The following SCN11A variants were observed in gnomAD, a reference collection of about 807,000 sequenced individuals.
SCN11A encodes sodium channel protein type 11 subunit alpha.
In SCN11A, 122 loss-of-function variants were observed where a neutral mutation model predicts 162.2. That is an observed-to-expected ratio of 0.75 (90% CI 0.65 to 0.87). The LOEUF is 0.87. Among genes scored for constraint, SCN11A ranks in the 40% least tolerant of loss-of-function variants. The pLI is 0.00. For synonymous variants in SCN11A, 758 were observed against 751.5 expected, an observed-to-expected ratio of 1.01 and a Z score of -0.14; for missense variants, 2,015 against 2,181.6, an observed-to-expected ratio of 0.92 and a Z score of 1.52.
chr3:39,004,373 G>A (rs1225425308), intron 2 of SCN11A, among the ~76,000 whole-genome samples: 1 of 152,078 alleles, frequency 6.6e-6, no homozygotes, highest in African/African-American at 2.4e-5. Context: ...CTGTTCCGCT[G>A]GTCTGTGTGC....
rs1318982024 is a variant in SCN11A at position 38,909,075 on chromosome 3, G to A, written c.1221C>T (p.Asn407=). The change falls in exon 13 of 30, where the codon AAC becomes AAT. Residue 407 remains asparagine, a synonymous_variant. Coordinates refer to ENST00000302328, the MANE Select transcript of SCN11A (RefSeq NM_001349253.2). The part of the protein sequence containing the change: ...AVVTMAYEEQ[N]KNVAAEIEAK... ...CCTCTATCTCTGCAGCTACATTCTT[G>A]TTCTGCTCCTCATATGCCATGGTAA... The A allele has an allele frequency of 1.9e-6, 3 of 1,613,896 alleles. No homozygotes were observed. Among genetic ancestry groups the A allele is most frequent in the South Asian group, 1.1e-5 (1 of 91,086 alleles).
chr3:38,894,837 C>T lies in SCN11A; in HGVS notation c.2531G>A (p.Cys844Tyr), dbSNP rs753346948. Residue 844 changes from cysteine to tyrosine, a missense_variant, in exon 19 of 30, where the codon TGT becomes TAT. Transcript: ENST00000302328. ...LALDRFRRAF[C>Y]FVRHTLEHFC... ...ATGCTCAAGAGTGTGTCTCACAAAA[C>T]AAAAAGCCCGGCGGAATCGATCCAG... 30 of 1,614,166 alleles carry T rather than the reference C, an allele frequency of 1.9e-5. No individual in the cohort carries two copies. Among genetic ancestry groups the T allele is most frequent in the Non-Finnish European group, 2.3e-5 (27 of 1,180,020 alleles).
chr3:38,888,501 T>C (rs979265741), intron 19 of SCN11A, among the ~76,000 whole-genome samples: 2 of 151,918 alleles, frequency 1.3e-5, no homozygotes, highest in Admixed American at 1.3e-4. Context: ...AACTAGGAGG[T>C]GAATTCACTT....
At chr3:38,861,794 T>C (rs2126088184) in intron 28 of SCN11A, among the ~76,000 whole-genome samples, 1 of 152,122 alleles carries the variant, frequency 6.6e-6, no homozygotes, top group East Asian at 1.9e-4. Flanking sequence ...TTATAGAATA[T>C]AACATCAAGA....
At chr3:39,041,894 T>G (rs1017595832) in intron 1 of SCN11A, among the ~76,000 whole-genome samples, 1 of 151,682 alleles carries the variant, frequency 6.6e-6, no homozygotes, top group African/African-American at 2.4e-5. Flanking sequence ...ACAGAAAAAA[T>G]ATCATATTTC....
At chr3:39,027,648 C>T (rs1256824295) in intron 2 of SCN11A, among the ~76,000 whole-genome samples, 2 of 152,166 alleles carry the variant, frequency 1.3e-5, no homozygotes, top group Non-Finnish European at 1.5e-5. Flanking sequence ...CTCACAAACC[C>T]GACTGGGGAG....
Position 38,885,412 on chromosome 3 carries a change from A to T in SCN11A, c.2950-10T>A, listed in dbSNP as rs748938575. 1 of 1,487,762 alleles carries T rather than the reference A, an allele frequency of 6.7e-7. No individual in the cohort carries two copies. The highest frequency in any genetic ancestry group is 1.1e-5 in the South Asian group (1 of 88,232). The allele number at this position is 1,487,762 out of a possible 1,614,324, so 92.2% of individuals were successfully genotyped here. On this transcript the variant is annotated splice_polypyrimidine_tract_variant and intron_variant, in intron 20 of 29. Transcript: ENST00000302328. The stretch of plus-strand genomic sequence containing the variant: ...TGGTAACATCAGACTTCTGCACATC[A>T]GAACAAAACGAAGGGGGTGCCTTTT...
chr3:38,995,523 G>C (rs745875949), intron 2 of SCN11A, among the ~76,000 whole-genome samples: 12 of 152,208 alleles, frequency 7.9e-5, no homozygotes, highest in Admixed American at 1.3e-4. Flanking sequence ...GGGAGGCAGG[G>C]AGCATCATTT....
intron 2 of SCN11A, among the ~76,000 whole-genome samples, chr3:38,962,595 A>G (rs1056530154): frequency 3.3e-5 from 5 of 152,124 alleles, no homozygotes; most frequent in Non-Finnish European, 1.5e-5. Context: ...TCACACCTGT[A>G]ATCCTAGCAC....
chr3:38,914,811 C>A (rs2065936651), intron 11 of SCN11A, among the ~76,000 whole-genome samples: 1 of 152,186 alleles, frequency 6.6e-6, no homozygotes, highest in African/African-American at 2.4e-5. Flanking sequence ...ACCAACCATG[C>A]ATCCCAAGGA....
rs376641599 is a variant in SCN11A at position 38,950,295 on chromosome 3, G to A, written c.68C>T (p.Ser23Phe). The A allele has an allele frequency of 6.2e-7, 1 of 1,614,068 alleles. No homozygotes were observed. The highest frequency in any genetic ancestry group is 8.5e-7 in the Non-Finnish European group (1 of 1,180,014). The change falls in exon 5 of 30, where the codon TCT (serine) becomes TTT (phenylalanine). Residue 23 changes from serine to phenylalanine, a missense_variant. Ser to Phe is a radical substitution (Grantham distance 155, BLOSUM62 -2). Coordinates refer to ENST00000302328, the MANE Select transcript of SCN11A (RefSeq NM_001349253.2). ...AATCCGCTTCTCAATTGCAGCCAGA[G>A]AGTCGGAAGTGAAGGGGCGGAAATT... ...ERNFRPFTSD[S>F]LAAIEKRIAI...
chr3:38,882,133 A>G (rs1456006478), intron 22 of SCN11A, among the ~76,000 whole-genome samples: 1 of 152,170 alleles, frequency 6.6e-6, no homozygotes, highest in African/African-American at 2.4e-5. Flanking sequence ...TTTTAGAGAA[A>G]TCTGCTTTTC....
intron 27 of SCN11A, among the ~76,000 whole-genome samples, chr3:38,864,151 G>T (rs74732633): frequency 0.042 from 6,419 of 152,120 alleles, 473 homozygotes; most frequent in African/African-American, 0.15. Flanking sequence ...AAAAAAACCC[G>T]AATCTGTCTG....
At chr3:39,051,837 G>C (rs1376156995) in intron 1 of SCN11A, among the ~76,000 whole-genome samples, 24 bp downstream of exon 1, 1 of 152,124 alleles carries the variant, frequency 6.6e-6, no homozygotes, top group Non-Finnish European at 1.5e-5. Flanking sequence ...CTTGCACAGT[G>C]GTTTTGTTTT....
chr3:38,944,715 C>G (rs2066490137), intron 7 of SCN11A, among the ~76,000 whole-genome samples: 1 of 151,762 alleles, frequency 6.6e-6, no homozygotes, highest in African/African-American at 2.4e-5. Flanking sequence ...AATCCCAACA[C>G]TTTGGGAGGC....
chr3:38,872,435 A>G, intron 23 of SCN11A, 141 bp from the exon 24 acceptor site: 1 of 583,396 alleles, frequency 1.7e-6, no homozygotes, highest in Non-Finnish European at 3.2e-6. Context: ...AAAGACATAG[A>G]AAATCCGAGA....
At position 38,909,083 on chromosome 3, in the gene SCN11A, C is replaced by T; in HGVS notation, c.1213G>A (p.Glu405Lys). 1.2e-6 allele frequency: 2 copies of T among 1,614,080 alleles called. No homozygotes were observed. The highest frequency in any genetic ancestry group is 2.2e-5 in the South Asian group (2 of 91,086). Reference sequence around the variant, plus strand: ...TCTGCAGCTACATTCTTGTTCTGCTCCTCATATGCCATGGTAACAACAGCC... The same window carrying T: ...TCTGCAGCTACATTCTTGTTCTGCTTCTCATATGCCATGGTAACAACAGCC... ...TLAVVTMAYE[E>K]QNKNVAAEIE... The change falls in exon 13 of 30, where the codon GAG (glutamate) becomes AAG (lysine). Residue 405 changes from glutamate (E) to lysine (K), a missense_variant. Physicochemically the swap from Glu to Lys is moderately conservative, Grantham distance 56. Transcript: ENST00000302328.
chr3:38,995,799 G>GTCTATCTATCTGTCTGTCTATCTATCTA (rs774413656), intron 2 of SCN11A, among the ~76,000 whole-genome samples: 129 of 131,480 alleles, frequency 9.8e-4, no homozygotes, highest in African/African-American at 3.6e-3. Flanking sequence ...ACAATAAATT[G>GTCTATCTATCTGTCTGTCTATCTATCTA]TCTATCTATC....
intron 5 of SCN11A, among the ~76,000 whole-genome samples, chr3:38,948,798 C>A (rs1339877948): frequency 6.6e-6 from 1 of 152,198 alleles, no homozygotes; most frequent in Admixed American, 6.5e-5. Context: ...CAGCTGCACA[C>A]CAAACTGCTG....
Sources: allele counts gnomAD v4.1 joint callset (sites outside exome capture counted in the v4.1 genomes callset), GRCh38; gene constraint gnomAD v4.1.1; transcripts MANE v1.5; gene names NCBI Gene and HGNC (gene_info 2026-07-23, HGNC 2026-07-21).